HERC2: variants seen among roughly 807,000 people sequenced by gnomAD.
The protein encoded by HERC2 is HECT and RLD domain containing E3 ubiquitin protein ligase 2.
In HERC2, 102 loss-of-function variants were observed where a neutral mutation model predicts 537.7. That is an observed-to-expected ratio of 0.19 (90% CI 0.16 to 0.22). The LOEUF (loss-of-function observed/expected upper bound fraction) is 0.22. Among genes scored for constraint, HERC2 ranks in the 10% least tolerant of loss-of-function variants. The pLI, the probability that HERC2 is intolerant of heterozygous loss-of-function variation, is 1.00. For synonymous variants in HERC2, 2,224 were observed against 2,466.2 expected (o/e 0.90, Z 2.91); for missense variants, 4,236 against 6,198.2 (o/e 0.68, Z 10.63).
At chr15:28,167,660 C>G in intron 68 of HERC2, 27 bp downstream of exon 68, 1 of 1,612,762 alleles carries the variant, frequency 6.2e-7, no homozygotes. Context: ...TTTCACAATA[C>G]AAAGTTAAAG....
chr15:28,141,846 C>T lies in HERC2; in HGVS notation c.11701G>A (p.Val3901Met). 3 of 1,606,082 alleles carry T rather than the reference C, an allele frequency of 1.9e-6. No homozygotes were observed. The highest frequency in any genetic ancestry group is 1.3e-5 in the African/African-American group (1 of 74,842). Residue 3901 changes from valine (V) to methionine (M), a missense_variant and splice_region_variant, in exon 77 of 93, where the codon GTG (valine) becomes ATG (methionine). Val to Met is a conservative substitution (Grantham distance 21). This residue lies in a region of HERC2 where 156 missense variants were observed against 172.3 expected (regional missense o/e 0.91). Coordinates refer to ENST00000261609, the MANE Select transcript of HERC2 (RefSeq NM_004667.6). ...ATTAATTCACGAATTTTCTTAGCCA[C>T]CTAAACAAAATTATTATGATGTTAC... is the stretch of plus-strand genomic sequence containing the variant. The part of the protein sequence containing the change: ...TPLPRLFLDE[V>M]AKKIRELMAD...
chr15:28,285,999 C>T (rs772674008), intron 4 of HERC2, among the ~76,000 whole-genome samples: 3 of 151,720 alleles, frequency 2.0e-5, no homozygotes, highest in African/African-American at 7.3e-5. Flanking sequence ...TTTGAATAGC[C>T]CTACCACTAT....
At chr15:28,185,648 T>C (rs1181536892) in intron 56 of HERC2, among the ~76,000 whole-genome samples, 1 of 152,204 alleles carries the variant, frequency 6.6e-6, no homozygotes, top group Non-Finnish European at 1.5e-5. Context: ...TTCGCAGATA[T>C]CATTCTCCTC....
At position 28,216,236 on chromosome 15, in the gene HERC2, T is replaced by C. The variant is rs1332510110; in HGVS notation, c.6029-434A>G. Among the ~76,000 whole-genome samples the C allele has an allele frequency of 2.6e-5, 4 of 152,170 alleles. No individual in the cohort carries two copies. The East Asian group carries it at 7.7e-4, about 29-fold the overall frequency. On this transcript the variant is annotated intron_variant, in intron 38 of 92. Transcript: ENST00000261609. ...TTCAAATAACAGTACTTTGCAACAG[T>C]GCATCTATTATATTTTTAATTTCGT... is the stretch of plus-strand genomic sequence containing the variant.
chr15:28,284,074 A>T (rs73364703), intron 4 of HERC2, among the ~76,000 whole-genome samples: 12,206 of 152,262 alleles, frequency 0.08, 1,673 homozygotes, highest in African/African-American at 0.28. Flanking sequence ...TTTGTGCATG[A>T]AACAAAGTTC....
chr15:28,212,183 C>T (rs1221267548), intron 43 of HERC2, among the ~76,000 whole-genome samples: 4 of 152,128 alleles, frequency 2.6e-5, no homozygotes, highest in Non-Finnish European at 4.4e-5. Flanking sequence ...ACTTCTCTTC[C>T]GGGATAAAGG....
At chr15:28,249,504 C>T (rs1192609123) in intron 20 of HERC2, among the ~76,000 whole-genome samples, 1 of 152,074 alleles carries the variant, frequency 6.6e-6, no homozygotes, top group Admixed American at 6.6e-5. Flanking sequence ...CAGCAGAACA[C>T]CAAGAAACAA....
At chr15:28,249,574 C>T (rs1424904215) in intron 20 of HERC2, among the ~76,000 whole-genome samples, 1 of 152,114 alleles carries the variant, frequency 6.6e-6, no homozygotes, top group African/African-American at 2.4e-5. Context: ...GAATGTCAGG[C>T]TGTGGGACCA....
chr15:28,237,974 T>G, intron 25 of HERC2, 140 bp downstream of exon 25: 7 of 757,176 alleles, frequency 9.2e-6, no homozygotes, highest in Non-Finnish European at 1.7e-5. Context: ...TGACAAAACT[T>G]CTAAAGGATC....
At chr15:28,303,281 C>A (rs1284723712) in intron 2 of HERC2, among the ~76,000 whole-genome samples, 1 of 152,210 alleles carries the variant, frequency 6.6e-6, no homozygotes, top group African/African-American at 2.4e-5. Flanking sequence ...CTCACGTATC[C>A]TCCGGGCACC....
At chr15:28,194,068 CTT>C (rs773769951) in intron 52 of HERC2, among the ~76,000 whole-genome samples, 10 of 138,436 alleles carry the variant, frequency 7.2e-5, no homozygotes, top group Non-Finnish European at 1.1e-4. Flanking sequence ...ATCCTTTGAC[CTT>C]TTTTTTTTTT....
chr15:28,295,002 CA>C (rs1412167010), intron 3 of HERC2, among the ~76,000 whole-genome samples: 1 of 151,298 alleles, frequency 6.6e-6, no homozygotes, highest in South Asian at 2.1e-4. Context: ...ACAAGAGTGG[CA>C]AAAAAGAACA....
intron 69 of HERC2, among the ~76,000 whole-genome samples, chr15:28,154,698 AG>A (rs1440867262): frequency 6.6e-6 from 1 of 152,202 alleles, no homozygotes; most frequent in Non-Finnish European, 1.5e-5. Context: ...CCATATATAA[AG>A]GTAACCCCTA....
intron 55 of HERC2, among the ~76,000 whole-genome samples, chr15:28,189,006 T>C (rs1596168230): frequency 6.6e-6 from 1 of 152,028 alleles, no homozygotes; most frequent in East Asian, 1.9e-4. Flanking sequence ...GAGAATCACT[T>C]GAACCCAGGA....
intron 26 of HERC2, among the ~76,000 whole-genome samples, chr15:28,235,503 G>T (rs1156661659): frequency 6.6e-6 from 1 of 152,240 alleles, no homozygotes; most frequent in Middle Eastern, 3.4e-3. Context: ...ACCCAACGGG[G>T]GGCTGTATGG....
At chr15:28,191,290 C>A in intron 53 of HERC2, 46 bp from the exon 54 acceptor site, 1 of 1,294,156 alleles carries the variant, frequency 7.7e-7, no homozygotes, top group Non-Finnish European at 1.1e-6. Context: ...CAAAATTCAG[C>A]TATATTTTAG....
chr15:28,185,153 G>T (rs1315462453), intron 56 of HERC2, among the ~76,000 whole-genome samples: 2 of 151,384 alleles, frequency 1.3e-5, no homozygotes, highest in African/African-American at 4.9e-5. Flanking sequence ...AATAAAACAG[G>T]ACAGAATCCA....
intron 42 of HERC2, 52 bp downstream of exon 42, chr15:28,213,690 G>C: frequency 1.2e-6 from 2 of 1,612,202 alleles, no homozygotes; most frequent in Admixed American, 1.7e-5. Context: ...CTCGGTTCTA[G>C]TGTAAAGTCA....
intron 83 of HERC2, among the ~76,000 whole-genome samples, chr15:28,125,610 T>C (rs1427730961): frequency 6.6e-6 from 1 of 152,178 alleles, no homozygotes; most frequent in African/African-American, 2.4e-5. Context: ...CACATAGCAA[T>C]ATCCCTAACA....
Sources: allele counts gnomAD v4.1 joint callset (sites outside exome capture counted in the v4.1 genomes callset), GRCh38; gene constraint gnomAD v4.1.1; regional missense constraint gnomAD v4.1.1; transcripts MANE v1.5; gene names NCBI Gene and HGNC (gene_info 2026-07-23, HGNC 2026-07-21).